The following FARP1 variants were observed in gnomAD, a reference collection of about 807,000 sequenced individuals.
The protein encoded by FARP1 is FERM, ARHGEF and pleckstrin domain-containing protein 1.
FARP1 carries 52 observed loss-of-function variants against 128.8 expected under a neutral mutation model. The observed-to-expected ratio is 0.40, with a 90% CI of 0.32 to 0.51. The LOEUF (loss-of-function observed/expected upper bound fraction) is 0.51. FARP1 is among the 20% of genes least tolerant of loss of function. FARP1 has a pLI of 0.45. For missense variants in FARP1, 1,333 were observed against 1,367.9 expected (o/e 0.97, Z 0.40); for synonymous variants, 580 against 551.8 (o/e 1.05, Z -0.72).
intron 2 of FARP1, among the ~76,000 whole-genome samples, chr13:98,252,938 T>C (rs1883416277): frequency 1.3e-5 from 2 of 152,222 alleles, no homozygotes; most frequent in South Asian, 4.1e-4. Flanking sequence ...TTTTTCAACT[T>C]GATTTTGGCA....
chr13:98,290,448 C>T (rs1285652190), intron 2 of FARP1, among the ~76,000 whole-genome samples: 7 of 151,872 alleles, frequency 4.6e-5, no homozygotes, highest in Non-Finnish European at 7.4e-5. Context: ...AAAAAGAGAA[C>T]GTGCAAAGGC....
chr13:98,234,843 T>TA (rs1489916915), intron 2 of FARP1: 5 of 152,316 alleles, frequency 3.3e-5, no homozygotes, highest in Non-Finnish European at 7.4e-5. Flanking sequence ...GCCAAGCCCA[T>TA]CTTTCCACAT....
chr13:98,273,119 C>T (rs563771555), intron 2 of FARP1, among the ~76,000 whole-genome samples: 23 of 152,200 alleles, frequency 1.5e-4, no homozygotes, highest in African/African-American at 4.6e-4. Context: ...GGTTAGTATG[C>T]GTTGGTTTGC....
chr13:98,442,201 C>T (rs1337699587), intron 24 of FARP1, among the ~76,000 whole-genome samples: 1 of 152,228 alleles, frequency 6.6e-6, no homozygotes, highest in East Asian at 1.9e-4. Flanking sequence ...AGTTCCCACA[C>T]AGGCCTGGTC....
chr13:98,359,597 C>T (rs976860167), intron 3 of FARP1, among the ~76,000 whole-genome samples: 2 of 152,188 alleles, frequency 1.3e-5, no homozygotes, highest in African/African-American at 2.4e-5. Flanking sequence ...TGACAGACTG[C>T]GTGTACGATG....
intron 3 of FARP1, among the ~76,000 whole-genome samples, chr13:98,352,838 A>G (rs901157714): frequency 6.6e-6 from 1 of 152,144 alleles, no homozygotes; most frequent in African/African-American, 2.4e-5. Context: ...AGGAAACCCT[A>G]CAAGTCAACA....
chr13:98,227,694 G>A (rs1030027824), intron 2 of FARP1, among the ~76,000 whole-genome samples: 1 of 152,168 alleles, frequency 6.6e-6, no homozygotes, highest in Middle Eastern at 3.2e-3. Flanking sequence ...TACTGTTCAC[G>A]CTAGCCAGGA....
chr13:98,209,824 A>AAAAAAG (rs1281949819), intron 1 of FARP1, among the ~76,000 whole-genome samples: 1 of 111,716 alleles, frequency 9.0e-6, no homozygotes, highest in Non-Finnish European at 1.8e-5. Flanking sequence ...AAAAAAAAAA[A>AAAAAAG]AAAAAGAAAA....
intron 2 of FARP1, among the ~76,000 whole-genome samples, chr13:98,323,663 A>G (rs1887104882): frequency 6.6e-6 from 1 of 152,180 alleles, no homozygotes; most frequent in Non-Finnish European, 1.5e-5. Flanking sequence ...TAATTGGCAC[A>G]TCTCTGGTCA....
At chr13:98,252,807 A>G (rs895047091) in intron 2 of FARP1, among the ~76,000 whole-genome samples, 10 of 152,208 alleles carry the variant, frequency 6.6e-5, no homozygotes, top group Admixed American at 6.5e-4. Context: ...CTGCTCTAAC[A>G]TTCAAGTCAG....
At position 98,186,398 on chromosome 13, in the gene FARP1, G is replaced by A. The variant is rs1878873571; in HGVS notation, c.-23-26822G>A. Among the ~76,000 whole-genome samples the A allele has an allele frequency of 5.3e-5, 8 of 151,870 alleles. No individual in the cohort carries two copies. The South Asian group carries it at 1.2e-3, about 24-fold the overall frequency. ...GCTGGGATTACAGATGTGAGCCACC[G>A]CGCCTGGCGCTCCAGAACATTTTCC... On this transcript the variant is annotated intron_variant, in intron 1 of 26. Coordinates refer to ENST00000319562, the MANE Select transcript of FARP1 (RefSeq NM_005766.4).
At chr13:98,285,716 T>C (rs1885133717) in intron 2 of FARP1, among the ~76,000 whole-genome samples, 1 of 152,240 alleles carries the variant, frequency 6.6e-6, no homozygotes, top group Non-Finnish European at 1.5e-5. Context: ...GATGATCTTG[T>C]TCAACTGCTT....
chr13:98,422,914 T>C (rs980529950), intron 16 of FARP1, among the ~76,000 whole-genome samples: 29 of 152,074 alleles, frequency 1.9e-4, no homozygotes, highest in Non-Finnish European at 4.0e-4. Flanking sequence ...TAGATGTATA[T>C]ATGAGAGGAG....
At chr13:98,310,110 T>C (rs1449666754) in intron 2 of FARP1, among the ~76,000 whole-genome samples, 1 of 149,324 alleles carries the variant, frequency 6.7e-6, no homozygotes, top group Admixed American at 6.7e-5. Context: ...TAGGCTTAAG[T>C]GTAAGATAAT....
intron 11 of FARP1, among the ~76,000 whole-genome samples, chr13:98,391,539 G>A (rs1192989897): frequency 1.3e-5 from 2 of 152,174 alleles, no homozygotes; most frequent in Admixed American, 1.3e-4. Context: ...CCAAAGTGCT[G>A]GGATTACAGG....
rs1182918305 is a variant in FARP1 at position 98,343,855 on chromosome 13, A to G, written c.265A>G (p.Lys89Glu). 6.2e-7 allele frequency: 1 copy of G among 1,607,996 alleles called. No individual in the cohort carries two copies. Among genetic ancestry groups the G allele is most frequent in the Non-Finnish European group, 8.5e-7 (1 of 1,175,646 alleles). The change falls in exon 3 of 27, where the codon AAA becomes GAA. Residue 89 changes from lysine (K) to glutamate (E), a missense_variant. Transcript: ENST00000319562. Reference protein sequence around the residue: ...DYFGLEFPDHKKITVWLDLLK... With the variant: ...DYFGLEFPDHEKITVWLDLLK... ...TTTTGGCCTCGAGTTTCCTGATCAC[A>G]AAAAGATCACGGTAGGTGATGTCAA... is the stretch of plus-strand genomic sequence containing the variant.
intron 2 of FARP1, among the ~76,000 whole-genome samples, chr13:98,272,778 T>C (rs958992073): frequency 6.6e-6 from 1 of 152,152 alleles, no homozygotes; most frequent in African/African-American, 2.4e-5. Flanking sequence ...ATTTCAGAGA[T>C]GATTAGTGAG....
intron 2 of FARP1, among the ~76,000 whole-genome samples, chr13:98,304,092 C>A (rs1424592673): frequency 2.6e-5 from 4 of 152,134 alleles, no homozygotes; most frequent in Non-Finnish European, 4.4e-5. Context: ...AGAGTCACTT[C>A]AGGCCTGGTA....
intron 2 of FARP1, among the ~76,000 whole-genome samples, chr13:98,335,219 T>C (rs1887692530): frequency 6.6e-6 from 1 of 152,186 alleles, no homozygotes; most frequent in African/African-American, 2.4e-5. Flanking sequence ...AAGTAGTCCA[T>C]TTTCACACTG....
Sources: gnomAD v4.1 joint callset for allele counts (sites outside exome capture counted in the v4.1 genomes callset) on GRCh38, gnomAD v4.1.1 for gene constraint, MANE v1.5 for transcripts, NCBI Gene and HGNC (gene_info 2026-07-23, HGNC 2026-07-21) for gene names.